Variants in DRC9 observed in about 807,000 individuals in gnomAD.
DRC9 encodes the protein dynein regulatory complex protein 9.
At chr3:197,940,813 A>G in the DRC9 span, among the ~76,000 whole-genome samples, 16 of 152,214 alleles carry the variant, frequency 1.1e-4, no homozygotes, top group Non-Finnish European at 1.5e-4. Flanking sequence ...AATTGCTATT[A>G]ATCAACATGA....
chr3:197,953,989 C>G, the DRC9 span: 1 of 1,612,124 alleles, frequency 6.2e-7, no homozygotes, highest in East Asian at 2.2e-5. Context: ...TCTTCTTTCC[C>G]TTTTTAAAAT....
At chr3:197,923,582 T>G in the DRC9 span, among the ~76,000 whole-genome samples, 5 of 151,940 alleles carry the variant, frequency 3.3e-5, no homozygotes, top group South Asian at 8.3e-4. Flanking sequence ...ATTTAAGAAA[T>G]TATCTGGGTG....
chr3:197,944,103 C>T, the DRC9 span: 1 of 1,537,092 alleles, frequency 6.5e-7, no homozygotes, highest in Non-Finnish European at 8.8e-7. Flanking sequence ...TTAAACATTA[C>T]TTTAACTCAA....
At chr3:197,954,540 C>T in the DRC9 span, 1 of 326,138 alleles carries the variant, frequency 3.1e-6, no homozygotes, top group South Asian at 2.5e-5. Flanking sequence ...GACAAGGTCT[C>T]ACTTTGTCAC....
chr3:197,941,936 T>C, the DRC9 span, among the ~76,000 whole-genome samples: 282 of 152,328 alleles, frequency 1.9e-3, 3 homozygotes, highest in Middle Eastern at 6.8e-3. Context: ...TAGCCTCTTA[T>C]TTTAAATGCA....
the DRC9 span, among the ~76,000 whole-genome samples, chr3:197,919,736 A>G: frequency 9.8e-5 from 15 of 152,320 alleles, no homozygotes; most frequent in African/African-American, 3.6e-4. Flanking sequence ...ATAACTGTAC[A>G]TAAAGTACAG....
chr3:197,929,480 CAG>C, the DRC9 span, among the ~76,000 whole-genome samples: 1 of 152,120 alleles, frequency 6.6e-6, no homozygotes, highest in Non-Finnish European at 1.5e-5. The surrounding 1 kb of genome is among the most constrained non-coding windows in gnomAD (Gnocchi z 4.6). Flanking sequence ...ACATTAAAAA[CAG>C]AGACTAGAGC....
the DRC9 span, chr3:197,912,693 GA>G: frequency 2.5e-6 from 4 of 1,613,550 alleles, no homozygotes; most frequent in African/African-American, 5.3e-5. Context: ...CCTTTCTAAG[GA>G]ACATTTCAAT....
chr3:197,913,990 G>A, the DRC9 span: 1 of 1,614,076 alleles, frequency 6.2e-7, no homozygotes, highest in Non-Finnish European at 8.5e-7. Context: ...GTTGGATTTT[G>A]CCTTCATCTC....
the DRC9 span, among the ~76,000 whole-genome samples, chr3:197,927,799 C>G: frequency 1.3e-5 from 2 of 152,166 alleles, no homozygotes; most frequent in African/African-American, 4.8e-5. Flanking sequence ...GAGTTCATGT[C>G]CTTTGCAGGG....
chr3:197,946,202 G>A, the DRC9 span, among the ~76,000 whole-genome samples: 5,312 of 152,060 alleles, frequency 0.035, 304 homozygotes, highest in African/African-American at 0.12. Context: ...CTGGGAGGCC[G>A]AGGCAGGCGG....
chr3:197,890,050 C>A, the DRC9 span, among the ~76,000 whole-genome samples: 4,332 of 152,154 alleles, frequency 0.028, 87 homozygotes, highest in African/African-American at 0.053. Flanking sequence ...GCTATTTGAA[C>A]CAAAAAGAAT....
chr3:197,952,051 T>C, the DRC9 span, among the ~76,000 whole-genome samples: 3 of 152,296 alleles, frequency 2.0e-5, no homozygotes, highest in South Asian at 6.2e-4. Flanking sequence ...ATTCCTTATA[T>C]TGTGATCCTT....
At chr3:197,889,414 A>G in the DRC9 span, 8 of 766,434 alleles carry the variant, frequency 1.0e-5, no homozygotes, top group South Asian at 1.2e-4. Flanking sequence ...CCCACCTAAC[A>G]GGCAGAGTGA....
At chr3:197,928,732 A>G in the DRC9 span, among the ~76,000 whole-genome samples, 1 of 152,356 alleles carries the variant, frequency 6.6e-6, no homozygotes, top group African/African-American at 2.4e-5. Context: ...AGAGATTGGG[A>G]GAAGAAATGA....
the DRC9 span, among the ~76,000 whole-genome samples, chr3:197,946,656 G>A: frequency 6.6e-6 from 1 of 152,076 alleles, no homozygotes; most frequent in Non-Finnish European, 1.5e-5. Flanking sequence ...GAGAGACGTG[G>A]TGCAAATATG....
the DRC9 span, among the ~76,000 whole-genome samples, chr3:197,923,730 AAAAAC>A: frequency 8.5e-5 from 13 of 152,132 alleles, no homozygotes; most frequent in African/African-American, 2.9e-4. Flanking sequence ...ACCGTGTCTC[AAAAAC>A]AAAACAAAAC....
chr3:197,912,485 C>T, the DRC9 span: 2 of 503,136 alleles, frequency 4.0e-6, no homozygotes, highest in Non-Finnish European at 3.5e-6. Flanking sequence ...AAAATTTTAC[C>T]TGCACTCTCT....
the DRC9 span, chr3:197,952,641 T>A: frequency 1.3e-5 from 2 of 152,106 alleles, no homozygotes; most frequent in Non-Finnish European, 2.9e-5. Flanking sequence ...ATTACAGGCG[T>A]GTGCCACCAC....
Sources: allele counts gnomAD v4.1 joint callset (sites outside exome capture counted in the v4.1 genomes callset), GRCh38; gene constraint gnomAD v4.1.1; non-coding constraint Gnocchi (gnomAD v3.1); transcripts MANE v1.5; gene names NCBI Gene and HGNC (gene_info 2026-07-23, HGNC 2026-07-21).